The following ACMSD variants were observed in gnomAD, a reference collection of about 807,000 sequenced individuals.
The protein encoded by ACMSD is aminocarboxymuconate semialdehyde decarboxylase.
In ACMSD, 37 loss-of-function variants were observed where a neutral mutation model predicts 45.9. That is an observed-to-expected ratio of 0.81 (90% CI 0.62 to 1.06). The LOEUF is 1.06. ACMSD is among the 50% of genes least tolerant of loss of function. The pLI is 0.00. For synonymous variants in ACMSD, 138 were observed against 148.8 expected (o/e 0.93, Z 0.53); for missense variants, 434 against 420.9 (o/e 1.03, Z -0.27).
At chr2:134,839,695 A>ACC (rs1686695759) in intron 1 of ACMSD, among the ~76,000 whole-genome samples, 6 of 152,328 alleles carry the variant, frequency 3.9e-5, no homozygotes, top group African/African-American at 1.4e-4. Context: ...GTCCATTGGT[A>ACC]TCTTAGGTAA....
At chr2:134,864,269 A>G (rs1687988135) in intron 5 of ACMSD, among the ~76,000 whole-genome samples, 1 of 89,726 alleles carries the variant, frequency 1.1e-5, no homozygotes, top group Admixed American at 1.3e-4. Flanking sequence ...ACTCCATCTC[A>G]AAAAAAAAAA....
chr2:134,871,008 G>A lies in ACMSD; in HGVS notation c.624G>A (p.Met208Ile). The change falls in exon 7 of 10, where the codon ATG (methionine) becomes ATA (isoleucine). Residue 208 changes from methionine to isoleucine, a missense_variant. Met to Ile is a conservative substitution (Grantham distance 10). Coordinates refer to ENST00000356140, the MANE Select transcript of ACMSD (RefSeq NM_138326.3). Reference protein sequence around the residue: ...ETTIAICSMIMGGVFEKFPKL... With the variant: ...ETTIAICSMIIGGVFEKFPKL... Reference sequence around the variant, plus strand: ...CCATAGCCATTTGCTCCATGATCATGGGTGGAGTATTTGAGAAGTTTCCCA... The same window carrying A: ...CCATAGCCATTTGCTCCATGATCATAGGTGGAGTATTTGAGAAGTTTCCCA... The A allele has an allele frequency of 6.2e-7, 1 of 1,614,140 alleles. No individual in the cohort carries two copies. Among genetic ancestry groups the A allele is most frequent in the South Asian group, 1.1e-5 (1 of 91,074 alleles).
chr2:134,874,250 C>T (rs1688617903), intron 8 of ACMSD, among the ~76,000 whole-genome samples: 1 of 152,206 alleles, frequency 6.6e-6, no homozygotes, highest in South Asian at 2.1e-4. Flanking sequence ...TGAGATCTTA[C>T]ATTCAAACTG....
chr2:134,859,437 T>A, intron 3 of ACMSD, 80 bp downstream of exon 3: 2 of 1,355,590 alleles, frequency 1.5e-6, no homozygotes, highest in Non-Finnish European at 2.1e-6. Flanking sequence ...CAACTTTATG[T>A]GATGGTAACT....
chr2:134,901,380 T>C (rs1413073427), intron 9 of ACMSD, among the ~76,000 whole-genome samples: 4 of 152,310 alleles, frequency 2.6e-5, no homozygotes, highest in East Asian at 1.9e-4. Flanking sequence ...TTTAGGGCCA[T>C]GTGAAAACAA....
chr2:134,864,996 T>C (rs1688031151), intron 5 of ACMSD, among the ~76,000 whole-genome samples: 2 of 152,350 alleles, frequency 1.3e-5, no homozygotes, highest in South Asian at 4.1e-4. Flanking sequence ...ATTATAATAA[T>C]ATTGCTTTCT....
Position 134,845,284 on chromosome 2 carries a change from T to G in ACMSD, c.102+7T>G. ...GCTCCAACACCACAGCAAGGTGAGTTTCTTCCAAAGTATGAACATCAGTAG... is the reference window on the plus strand; with the variant it reads ...GCTCCAACACCACAGCAAGGTGAGTGTCTTCCAAAGTATGAACATCAGTAG... On this transcript the variant is annotated splice_region_variant and intron_variant, in intron 2 of 9. Coordinates refer to ENST00000356140, the MANE Select transcript of ACMSD (RefSeq NM_138326.3). 2 of 1,614,090 alleles carry G rather than the reference T, an allele frequency of 1.2e-6. No individual in the cohort carries two copies. Among genetic ancestry groups the G allele is most frequent in the Non-Finnish European group, 1.7e-6 (2 of 1,179,980 alleles).
chr2:134,854,450 T>C (rs1687486844), intron 2 of ACMSD, among the ~76,000 whole-genome samples: 1 of 152,166 alleles, frequency 6.6e-6, no homozygotes, highest in Admixed American at 6.6e-5. Flanking sequence ...GTGTTGCCAC[T>C]CCCAGTCATG....
intron 1 of ACMSD, among the ~76,000 whole-genome samples, chr2:134,841,897 G>C (rs932341323): frequency 6.6e-6 from 1 of 152,116 alleles, no homozygotes; most frequent in Non-Finnish European, 1.5e-5. Context: ...GACATCATTT[G>C]ATTTTTAGAA....
chr2:134,838,627 A>C lies in ACMSD; in HGVS notation c.-56A>C. ...AATCAATTAACTCCACAGTTTTCAC[A>C]AAGGTCTCTTGATATCAAAACTTCT... On this transcript the variant is annotated 5_prime_UTR_variant, in exon 1 of 10. Transcript: ENST00000356140. 1 of 1,481,514 alleles carries C rather than the reference A, an allele frequency of 6.7e-7. No homozygotes were observed. The highest frequency in any genetic ancestry group is 9.4e-7 in the Non-Finnish European group (1 of 1,068,754). 91.8% of individuals were successfully genotyped at this position (1,481,514 alleles called of 1,614,324 possible).
chr2:134,872,089 C>T (rs1048130354), intron 7 of ACMSD, among the ~76,000 whole-genome samples: 2 of 151,800 alleles, frequency 1.3e-5, no homozygotes, highest in Admixed American at 6.6e-5. Context: ...CCTGAGTAGC[C>T]ATGGCTACAG....
chr2:134,862,845 G>A (rs960415038), intron 4 of ACMSD: 33 of 402,438 alleles, frequency 8.2e-5, no homozygotes, highest in Non-Finnish European at 1.0e-4. Flanking sequence ...GTGAAGAAGG[G>A]AGCATTAGGA....
intron 8 of ACMSD, 141 bp downstream of exon 8, chr2:134,872,782 AT>A: frequency 9.9e-7 from 1 of 1,014,292 alleles, no homozygotes; most frequent in Non-Finnish European, 1.5e-6. Context: ...GAGGTTTGGG[AT>A]TAGGTTTGCT....
At chr2:134,882,740 T>C (rs1255359190) in intron 8 of ACMSD, among the ~76,000 whole-genome samples, 2 of 152,196 alleles carry the variant, frequency 1.3e-5, no homozygotes, top group African/African-American at 2.4e-5. Context: ...TGAGATATGC[T>C]AATGGGAAGA....
At chr2:134,886,250 T>TATTA (rs746285340) in intron 8 of ACMSD, among the ~76,000 whole-genome samples, 2 of 137,290 alleles carry the variant, frequency 1.5e-5, no homozygotes, top group Admixed American at 1.4e-4. Context: ...ATTATTATTT[T>TATTA]TTTTTTTTTT....
In ACMSD at chr2:134,841,465, C is replaced by T. The variant is rs957613511; in HGVS notation, c.57+2726C>T. 4.6e-5 allele frequency among the ~76,000 whole-genome samples: 7 copies of T among 152,072 alleles called. No homozygotes were observed. The South Asian group carries it at 8.3e-4, about 18-fold the overall frequency. On this transcript the variant is annotated intron_variant, in intron 1 of 9. Coordinates refer to ENST00000356140, the MANE Select transcript of ACMSD (RefSeq NM_138326.3). ...GGGATTTGAGAAATCTTTTCATTTT[C>T]GCTTGCTAATAATAATTTTAGTCAG...
chr2:134,851,339 C>A (rs1687335044), intron 2 of ACMSD, among the ~76,000 whole-genome samples: 1 of 152,186 alleles, frequency 6.6e-6, no homozygotes, highest in Non-Finnish European at 1.5e-5. Context: ...AATAGGATCA[C>A]TAGGTTGAAT....
intron 6 of ACMSD, among the ~76,000 whole-genome samples, chr2:134,869,670 C>T (rs1046168518): frequency 6.6e-6 from 1 of 151,424 alleles, no homozygotes; most frequent in Non-Finnish European, 1.5e-5. Context: ...CTTCATGGAG[C>T]TTATATTCTG....
At chr2:134,839,068 T>C (rs1344738027) in intron 1 of ACMSD, among the ~76,000 whole-genome samples, 2 of 152,176 alleles carry the variant, frequency 1.3e-5, no homozygotes, top group Non-Finnish European at 2.9e-5. Context: ...ACATGCCAAC[T>C]ACAGAATTTA....
Sources: allele counts gnomAD v4.1 joint callset (sites outside exome capture counted in the v4.1 genomes callset), GRCh38; gene constraint gnomAD v4.1.1; transcripts MANE v1.5; gene names NCBI Gene and HGNC (gene_info 2026-07-23, HGNC 2026-07-21).